Variants in ADARB2 observed in about 807,000 individuals in gnomAD.
ADARB2 encodes adenosine deaminase RNA specific B2 (inactive).
Under a neutral mutation model 62.2 loss-of-function variants are expected in ADARB2, and 25 were observed. That is an observed-to-expected ratio of 0.40 (90% CI 0.29 to 0.56). The LOEUF (loss-of-function observed/expected upper bound fraction) is 0.56. Ranked by LOEUF, ADARB2 falls within the 20% of genes least tolerant of loss-of-function variation. The pLI is 0.43. For synonymous variants in ADARB2, 572 were observed against 500.8 expected (o/e 1.14, Z -1.90); for missense variants, 1,071 against 1,077.4 (o/e 0.99, Z 0.08).
intron 1 of ADARB2, among the ~76,000 whole-genome samples, chr10:1,486,251 T>G (rs1831542017): frequency 6.6e-6 from 1 of 151,574 alleles, no homozygotes; most frequent in African/African-American, 2.4e-5. Context: ...TGTGTGTTGT[T>G]AAGCACATCT....
intron 8 of ADARB2, among the ~76,000 whole-genome samples, chr10:1,191,558 G>A (rs867260255): frequency 2.6e-5 from 4 of 152,172 alleles, no homozygotes; most frequent in Admixed American, 6.5e-5. Context: ...TCCCTGAGCC[G>A]TCTGTAATGG....
At chr10:1,565,338 G>A (rs4622182) in intron 1 of ADARB2, among the ~76,000 whole-genome samples, 4 of 152,100 alleles carry the variant, frequency 2.6e-5, no homozygotes, top group African/African-American at 9.7e-5. Context: ...AACACAGATC[G>A]AATGCGTCTT....
At chr10:1,407,420 C>T (rs966810197) in intron 1 of ADARB2, among the ~76,000 whole-genome samples, 2 of 152,230 alleles carry the variant, frequency 1.3e-5, no homozygotes, top group Non-Finnish European at 2.9e-5. Context: ...GGCTTAACCC[C>T]TGGCGGTGGT....
At chr10:1,587,401 C>T (rs1164550415) in intron 1 of ADARB2, among the ~76,000 whole-genome samples, 2 of 152,176 alleles carry the variant, frequency 1.3e-5, no homozygotes, top group African/African-American at 4.8e-5. Context: ...ATAGGACTTT[C>T]TTGCTTCCCT....
chr10:1,589,655 A>G (rs2132006737), intron 1 of ADARB2, among the ~76,000 whole-genome samples: 1 of 152,058 alleles, frequency 6.6e-6, no homozygotes, highest in East Asian at 1.9e-4. Context: ...CCCCCATCCC[A>G]TGTTTCAGGA....
chr10:1,538,646 C>T (rs1389202903), intron 1 of ADARB2, among the ~76,000 whole-genome samples: 1 of 152,198 alleles, frequency 6.6e-6, no homozygotes, highest in Non-Finnish European at 1.5e-5. Flanking sequence ...GCGTTCTGCC[C>T]ATGGACGTGG....
chr10:1,535,266 T>C (rs1201860277), intron 1 of ADARB2, among the ~76,000 whole-genome samples: 1 of 152,136 alleles, frequency 6.6e-6, no homozygotes, highest in Non-Finnish European at 1.5e-5. Flanking sequence ...AAATGTAAGC[T>C]GTCCAGGAGA....
intron 3 of ADARB2, among the ~76,000 whole-genome samples, chr10:1,352,508 G>C (rs1459418094): frequency 6.6e-6 from 1 of 152,100 alleles, no homozygotes; most frequent in African/African-American, 2.4e-5. Flanking sequence ...TCTTACACAA[G>C]AGCCAGGACC....
chr10:1,505,086 GACAC>G (rs779183304), intron 1 of ADARB2, among the ~76,000 whole-genome samples: 1 of 149,580 alleles, frequency 6.7e-6, no homozygotes, highest in Non-Finnish European at 1.5e-5. Context: ...ATGCACACAG[GACAC>G]ACACACACAT....
At chr10:1,400,116 C>G (rs1478308030) in intron 1 of ADARB2, among the ~76,000 whole-genome samples, 1 of 152,220 alleles carries the variant, frequency 6.6e-6, no homozygotes, top group African/African-American at 2.4e-5. Flanking sequence ...GGGTTGGAGG[C>G]ACCGCTGAGC....
chr10:1,352,341 G>GT (rs1287100944), intron 3 of ADARB2, among the ~76,000 whole-genome samples: 3 of 152,076 alleles, frequency 2.0e-5, no homozygotes, highest in African/African-American at 7.2e-5. Context: ...CTCACAAAAG[G>GT]AAACCTAGCT....
chr10:1,375,239 T>G (rs192311880), intron 2 of ADARB2, among the ~76,000 whole-genome samples: 49 of 152,290 alleles, frequency 3.2e-4, no homozygotes, highest in African/African-American at 1.1e-3. Context: ...TGGGCGGTGG[T>G]CAGCAGAGAG....
intron 1 of ADARB2, among the ~76,000 whole-genome samples, chr10:1,567,604 C>A (rs1042214601): frequency 3.9e-5 from 6 of 152,202 alleles, no homozygotes; most frequent in African/African-American, 1.2e-4. Context: ...CAGGACGTGG[C>A]CAGGCATGGA....
At chr10:1,687,934 T>C (rs1052588661) in intron 1 of ADARB2, among the ~76,000 whole-genome samples, 15 of 152,222 alleles carry the variant, frequency 9.9e-5, no homozygotes, top group African/African-American at 3.4e-4. Flanking sequence ...TTGAAATGTT[T>C]GCTTGTCACA....
intron 1 of ADARB2, among the ~76,000 whole-genome samples, chr10:1,632,163 A>G (rs1401490161): frequency 6.6e-6 from 1 of 152,234 alleles, no homozygotes; most frequent in Non-Finnish European, 1.5e-5. Context: ...TCATTATACT[A>G]AATATCTCAT....
chr10:1,398,565 G>A lies in ADARB2; in HGVS notation c.101-19405C>T, dbSNP rs1174659986. 6.6e-6 allele frequency among the ~76,000 whole-genome samples: 1 copy of A among 152,230 alleles called. No homozygotes were observed. Among genetic ancestry groups the A allele is most frequent in the East Asian group, 1.9e-4 (1 of 5,198 alleles). On this transcript the variant is annotated intron_variant, in intron 1 of 9. Coordinates refer to ENST00000381312, the MANE Select transcript of ADARB2 (RefSeq NM_018702.4). The surrounding 1 kb of genome is among the most constrained non-coding windows in gnomAD (Gnocchi z 4.1). ...CCTTCTGTTTTTCCTAAAACTGTCA[G>A]AACCCAGTTCTGGTGCGGAGGTAAG...
rs138674023 is a variant in ADARB2, at chr10:1,565,101, G to A, written c.100+171950C>T. On this transcript the variant is annotated intron_variant, in intron 1 of 9. Coordinates refer to ENST00000381312, the MANE Select transcript of ADARB2 (RefSeq NM_018702.4). ...ATACCATTCCTGTCCTTCTGATTAC[G>A]CTGGCACCAGGTCTTCTGTGAAATT... 2.1e-3 allele frequency among the ~76,000 whole-genome samples: 318 copies of A among 152,284 alleles called. 3 individuals carry two copies. The highest frequency in any genetic ancestry group is 5.9e-3 in the African/African-American group (245 of 41,548).
At chr10:1,550,530 A>T (rs1832604314) in intron 1 of ADARB2, among the ~76,000 whole-genome samples, 1 of 152,218 alleles carries the variant, frequency 6.6e-6, no homozygotes, top group South Asian at 2.1e-4. Context: ...ATGAAAGCCG[A>T]TGGCCCACAT....
chr10:1,510,663 C>T (rs1831925266), intron 1 of ADARB2, among the ~76,000 whole-genome samples: 1 of 152,180 alleles, frequency 6.6e-6, no homozygotes, highest in African/African-American at 2.4e-5. Flanking sequence ...GAATCAATGA[C>T]ACCTTAGAGT....
Sources: gnomAD v4.1 joint callset for allele counts (sites outside exome capture counted in the v4.1 genomes callset) on GRCh38, gnomAD v4.1.1 for gene constraint, Gnocchi (gnomAD v3.1) non-coding constraint, MANE v1.5 for transcripts, NCBI Gene and HGNC (gene_info 2026-07-23, HGNC 2026-07-21) for gene names.